GLCCI1: variants seen among roughly 807,000 people sequenced by gnomAD.
GLCCI1 encodes glucocorticoid induced 1.
In GLCCI1, 24 loss-of-function variants were observed where a neutral mutation model predicts 52.2. The ratio of observed to expected loss-of-function variants is 0.46; its 90% CI spans 0.33 to 0.65. The LOEUF is 0.65. GLCCI1 is among the 30% of genes least tolerant of loss of function. The pLI, the probability that GLCCI1 is intolerant of heterozygous loss-of-function variation, is 0.02. For missense variants in GLCCI1, 704 were observed against 701.5 expected (o/e 1.00, Z -0.04); for synonymous variants, 310 against 276.5 (o/e 1.12, Z -1.20).
intron 1 of GLCCI1, among the ~76,000 whole-genome samples, chr7:7,973,351 A>G (rs1206505209): frequency 1.3e-5 from 2 of 151,972 alleles, no homozygotes; most frequent in African/African-American, 2.4e-5. Flanking sequence ...ATGGATTTAA[A>G]CATAGAACAA....
chr7:7,996,651 T>A (rs183322836), intron 1 of GLCCI1, among the ~76,000 whole-genome samples: 3 of 152,226 alleles, frequency 2.0e-5, no homozygotes, highest in African/African-American at 7.2e-5. Flanking sequence ...CATGCCCAAA[T>A]AGCTGCCTGA....
intron 5 of GLCCI1, among the ~76,000 whole-genome samples, chr7:8,069,300 G>A (rs1303054642): frequency 6.6e-6 from 1 of 152,188 alleles, no homozygotes; most frequent in African/African-American, 2.4e-5. Context: ...AAGCTGGGGG[G>A]ATCCTGGGGG....
At chr7:8,063,615 CTTTTTTTTT>C (rs917291629) in intron 5 of GLCCI1, among the ~76,000 whole-genome samples, 2 of 113,670 alleles carry the variant, frequency 1.8e-5, no homozygotes, top group African/African-American at 6.7e-5. Context: ...ACTTTTCTTC[CTTTTTTTTT>C]TTTTTTTTTT....
intron 1 of GLCCI1, among the ~76,000 whole-genome samples, chr7:7,991,624 C>G (rs1340704739): frequency 6.6e-6 from 1 of 151,906 alleles, no homozygotes; most frequent in African/African-American, 2.4e-5. Context: ...GTGGAAGGAG[C>G]CTGGTTATTC....
At chr7:7,992,996 T>G (rs955568603) in intron 1 of GLCCI1, among the ~76,000 whole-genome samples, 5 of 152,170 alleles carry the variant, frequency 3.3e-5, no homozygotes, top group African/African-American at 7.2e-5. Context: ...TCATCACTGT[T>G]GTCATTTAAA....
intron 3 of GLCCI1, among the ~76,000 whole-genome samples, chr7:8,038,332 GAA>G (rs1311648542): frequency 6.6e-6 from 1 of 152,064 alleles, no homozygotes; most frequent in Non-Finnish European, 1.5e-5. Flanking sequence ...AAAAAAAGAA[GAA>G]AAGTTTATTG....
At chr7:8,085,610 G>A (rs573351106) in intron 7 of GLCCI1, among the ~76,000 whole-genome samples, 2 of 152,140 alleles carry the variant, frequency 1.3e-5, no homozygotes, top group East Asian at 1.9e-4. Flanking sequence ...AGGGTGCAGT[G>A]CTCTTGCAAC....
intron 5 of GLCCI1, among the ~76,000 whole-genome samples, chr7:8,066,741 A>G (rs1458399862): frequency 6.6e-6 from 1 of 151,998 alleles, no homozygotes; most frequent in African/African-American, 2.4e-5. Flanking sequence ...CTGTGGTCCA[A>G]GAGTGTGGTT....
intron 4 of GLCCI1, 41 bp downstream of exon 4, chr7:8,055,590 G>T: frequency 8.7e-7 from 1 of 1,146,032 alleles, no homozygotes; most frequent in Non-Finnish European, 1.3e-6. Context: ...ATTACTTTTA[G>T]TTCATTAAGG....
rs1202263260 is a variant in GLCCI1, at chr7:7,969,757, G to A, written c.407G>A (p.Arg136Gln). ...CCGAGACGGTCCCCAGAGAGCCACC[G>A]GAGGAGCAGCTCACCTGAGAGACGG... Reference protein sequence around the residue: ...GRPRRSPESHRRSSSPERRSP... With the variant: ...GRPRRSPESHQRSSSPERRSP... The change falls in exon 1 of 8, where the codon CGG becomes CAG. Residue 136 changes from arginine (R) to glutamine (Q), a missense_variant. Coordinates refer to ENST00000223145, the MANE Select transcript of GLCCI1 (RefSeq NM_138426.4). This position sits in a 1 kb window ranked among gnomAD's most constrained non-coding sequence, Gnocchi z 4.9. 4 of 1,478,040 alleles carry A rather than the reference G, an allele frequency of 2.7e-6. No individual in the cohort carries two copies. In the East Asian group the frequency reaches 8.9e-5, roughly 33 times the overall value. 91.6% of individuals were successfully genotyped at this position (1,478,040 alleles called of 1,614,324 possible).
chr7:8,079,510 T>C (rs755396245), intron 6 of GLCCI1, among the ~76,000 whole-genome samples: 6 of 151,578 alleles, frequency 4.0e-5, no homozygotes, highest in Non-Finnish European at 8.8e-5. Flanking sequence ...TTAACTGTCA[T>C]ATCAGATTAA....
chr7:7,980,346 T>C (rs188093794), intron 1 of GLCCI1: 124 of 181,990 alleles, frequency 6.8e-4, no homozygotes, highest in Non-Finnish European at 1.2e-3. Flanking sequence ...CTGTGGGCAA[T>C]GTGGTTGTCA....
intron 6 of GLCCI1, among the ~76,000 whole-genome samples, chr7:8,075,579 T>A (rs1207260906): frequency 6.6e-6 from 1 of 152,238 alleles, no homozygotes; most frequent in Non-Finnish European, 1.5e-5. Context: ...TCTGCCAGCG[T>A]TGCTTGATGG....
intron 1 of GLCCI1, among the ~76,000 whole-genome samples, chr7:7,983,898 G>C (rs1216987510): frequency 1.3e-5 from 2 of 152,186 alleles, no homozygotes; most frequent in Non-Finnish European, 2.9e-5. Context: ...GGAGCTGGGT[G>C]CTCTTGCTGG....
intron 4 of GLCCI1, among the ~76,000 whole-genome samples, chr7:8,059,055 T>A (rs921354133): frequency 6.6e-6 from 1 of 152,108 alleles, no homozygotes; most frequent in African/African-American, 2.4e-5. Flanking sequence ...TTGAGTAGGC[T>A]GAGGAAGAGA....
intron 1 of GLCCI1, among the ~76,000 whole-genome samples, chr7:7,987,897 C>T (rs1296133379): frequency 6.6e-6 from 1 of 151,954 alleles, no homozygotes; most frequent in South Asian, 2.1e-4. Context: ...TTTTAAAATG[C>T]GTATCTCTGA....
At chr7:8,075,153 C>T (rs1002433907) in intron 6 of GLCCI1, among the ~76,000 whole-genome samples, 10 of 152,264 alleles carry the variant, frequency 6.6e-5, no homozygotes, top group Admixed American at 2.6e-4. Context: ...CAATGTGCAT[C>T]GCACATTGGT....
At chr7:8,020,528 G>A (rs1043516187) in intron 2 of GLCCI1, among the ~76,000 whole-genome samples, 7 of 152,150 alleles carry the variant, frequency 4.6e-5, no homozygotes, top group South Asian at 2.1e-4. Context: ...TGCTGTTGGC[G>A]TGCTTGCCAG....
chr7:8,038,688 A>G (rs1232285587), intron 3 of GLCCI1, among the ~76,000 whole-genome samples: 1 of 152,218 alleles, frequency 6.6e-6, no homozygotes, highest in African/African-American at 2.4e-5. Flanking sequence ...AAAACCTAGG[A>G]CAAACTTGAA....
Sources: gnomAD v4.1 joint callset for allele counts (sites outside exome capture counted in the v4.1 genomes callset) on GRCh38, gnomAD v4.1.1 for gene constraint, Gnocchi (gnomAD v3.1) non-coding constraint, MANE v1.5 for transcripts, NCBI Gene and HGNC (gene_info 2026-07-23, HGNC 2026-07-21) for gene names.